Variants in CENPW observed in about 807,000 individuals in gnomAD.
The protein encoded by CENPW is centromere protein W, also known as cancer-up-regulated gene 2 protein.
CENPW carries 3 observed loss-of-function variants against 11.1 expected under a neutral mutation model. That is an observed-to-expected ratio of 0.27 (90% CI 0.12 to 0.70). The LOEUF (loss-of-function observed/expected upper bound fraction) is 0.70. Ranked by LOEUF, CENPW falls within the 30% of genes least tolerant of loss-of-function variation. The pLI is 0.77. For synonymous variants in CENPW, 38 were observed against 42.0 expected (o/e 0.91, Z 0.37); for missense variants, 100 against 105.6 (o/e 0.95, Z 0.23).
At chr6:126,407,972 T>C in the CENPW span, among the ~76,000 whole-genome samples, 1 of 152,186 alleles carries the variant, frequency 6.6e-6, no homozygotes, top group Admixed American at 6.5e-5. Flanking sequence ...TTGTTGCAAT[T>C]GCTTTTGGTG....
chr6:126,389,658 C>CTG, the CENPW span, among the ~76,000 whole-genome samples: 7,050 of 149,038 alleles, frequency 0.047, 538 homozygotes, highest in African/African-American at 0.16. Context: ...GACCTTTGCT[C>CTG]TGTGTGTGTG....
the CENPW span, among the ~76,000 whole-genome samples, chr6:126,424,594 T>C: frequency 4.6e-5 from 7 of 152,102 alleles, no homozygotes; most frequent in Non-Finnish European, 1.0e-4. Context: ...AGCTGGAGGA[T>C]AGACCATTAT....
the CENPW span, among the ~76,000 whole-genome samples, chr6:126,419,982 A>G: frequency 1.3e-5 from 2 of 152,206 alleles, no homozygotes; most frequent in Non-Finnish European, 2.9e-5. Context: ...GAATGAAGAT[A>G]TGAACATCTT....
chr6:126,479,780 C>A, the CENPW span, among the ~76,000 whole-genome samples: 8 of 151,978 alleles, frequency 5.3e-5, no homozygotes, highest in Non-Finnish European at 1.2e-4. Context: ...AGGTATCTTG[C>A]AGATTCTATC....
chr6:126,472,022 A>T, the CENPW span, among the ~76,000 whole-genome samples: 2 of 152,112 alleles, frequency 1.3e-5, no homozygotes, highest in African/African-American at 2.4e-5. Flanking sequence ...TAATAGTAAA[A>T]TTTTTTCAAA....
chr6:126,427,675 G>A, the CENPW span, among the ~76,000 whole-genome samples: 1 of 152,160 alleles, frequency 6.6e-6, no homozygotes, highest in Non-Finnish European at 1.5e-5. Context: ...TTGAATGAGT[G>A]CTACCATTTT....
the CENPW span, among the ~76,000 whole-genome samples, chr6:126,412,087 CTCCT>C: frequency 2.9e-3 from 68 of 23,534 alleles, no homozygotes; most frequent in African/African-American, 9.5e-3. Flanking sequence ...CTCTCTCTCT[CTCCT>C]TCCTTCCTTC....
At chr6:126,444,108 G>C in the CENPW span, among the ~76,000 whole-genome samples, 2 of 149,838 alleles carry the variant, frequency 1.3e-5, no homozygotes, top group African/African-American at 4.9e-5. Context: ...ACACTGGAAG[G>C]ATCTTTTTAA....
chr6:126,405,480 A>C, the CENPW span, among the ~76,000 whole-genome samples: 8 of 152,056 alleles, frequency 5.3e-5, no homozygotes, highest in African/African-American at 1.9e-4. Context: ...TGCTTTGGCT[A>C]TTTGAGGCCT....
intron 1 of CENPW, among the ~76,000 whole-genome samples, chr6:126,340,882 C>T (rs1357342113): frequency 2.6e-5 from 4 of 152,174 alleles, no homozygotes; most frequent in Non-Finnish European, 5.9e-5. Flanking sequence ...CCTCCCTTGG[C>T]TCCCTCCGTC....
the CENPW span, among the ~76,000 whole-genome samples, chr6:126,458,463 G>T: frequency 6.6e-6 from 1 of 151,102 alleles, no homozygotes; most frequent in Non-Finnish European, 1.5e-5. Flanking sequence ...AATTAAATGA[G>T]AATTTTTCCA....
At chr6:126,435,877 T>C in the CENPW span, among the ~76,000 whole-genome samples, 1 of 151,898 alleles carries the variant, frequency 6.6e-6, no homozygotes, top group Admixed American at 6.6e-5. Flanking sequence ...AAAAGTATGC[T>C]ATCAAATGCA....
chr6:126,385,294 G>C, the CENPW span, among the ~76,000 whole-genome samples: 1 of 152,054 alleles, frequency 6.6e-6, no homozygotes, highest in Non-Finnish European at 1.5e-5. Context: ...CTATCATGAA[G>C]GCATGTGCAC....
chr6:126,351,922 A>T (rs1279692524), downstream of CENPW, among the ~76,000 whole-genome samples: 1 of 152,120 alleles, frequency 6.6e-6, no homozygotes. Context: ...GTTTAATAAC[A>T]GTATACTCCC....
chr6:126,445,625 A>G, the CENPW span, among the ~76,000 whole-genome samples: 1 of 151,108 alleles, frequency 6.6e-6, no homozygotes, highest in Non-Finnish European at 1.5e-5. Flanking sequence ...ACCTAAATAA[A>G]CTCTTAACTA....
chr6:126,428,218 G>T, the CENPW span, among the ~76,000 whole-genome samples: 2 of 151,976 alleles, frequency 1.3e-5, no homozygotes, highest in African/African-American at 4.8e-5. Flanking sequence ...TATTTCTTAG[G>T]TGCTAAACCC....
chr6:126,473,998 A>G, the CENPW span, among the ~76,000 whole-genome samples: 1 of 148,450 alleles, frequency 6.7e-6, no homozygotes, highest in East Asian at 1.9e-4. Flanking sequence ...TAGAATATAT[A>G]GAATATATAT....
the CENPW span, among the ~76,000 whole-genome samples, chr6:126,405,056 G>T: frequency 2.0e-5 from 3 of 152,120 alleles, no homozygotes; most frequent in Admixed American, 6.5e-5. Context: ...TGCTGATGGT[G>T]TTGAATAAGA....
At chr6:126,431,327 A>C in the CENPW span, among the ~76,000 whole-genome samples, 567 of 152,294 alleles carry the variant, frequency 3.7e-3, no homozygotes, top group Non-Finnish European at 6.9e-3. Flanking sequence ...TTGCATTTTA[A>C]AAGGATATAC....
Sources: allele counts gnomAD v4.1 joint callset (sites outside exome capture counted in the v4.1 genomes callset), GRCh38; gene constraint gnomAD v4.1.1; transcripts MANE v1.5; gene names NCBI Gene and HGNC (gene_info 2026-07-23, HGNC 2026-07-21).